SIPA1L2: variants seen among roughly 807,000 people sequenced by gnomAD.
SIPA1L2 encodes signal-induced proliferation-associated 1-like protein 2.
A neutral mutation model predicts 163.9 loss-of-function variants in SIPA1L2; 56 were observed. The ratio of observed to expected loss-of-function variants is 0.34; its 90% CI spans 0.28 to 0.43. The LOEUF (loss-of-function observed/expected upper bound fraction) is 0.43, where lower values mean the gene tolerates loss of function less well. SIPA1L2 is among the 20% of genes least tolerant of loss of function. The probability of loss-of-function intolerance (pLI) is 1.00; values close to 1 mark genes in which losing one functional copy is unlikely to be tolerated. For synonymous variants in SIPA1L2, 877 were observed against 865.7 expected (o/e 1.01, Z -0.23); for missense variants, 1,974 against 2,193.5 (o/e 0.90, Z 2.00).
intron 15 of SIPA1L2, among the ~76,000 whole-genome samples, chr1:232,436,719 C>CT (rs1662585396): frequency 6.6e-6 from 1 of 152,196 alleles, no homozygotes; most frequent in Non-Finnish European, 1.5e-5. Context: ...AGTCACCTGC[C>CT]TTTCACTCAA....
At chr1:232,557,845 T>C (rs112203560) in intron 2 of SIPA1L2, among the ~76,000 whole-genome samples, 12 of 152,346 alleles carry the variant, frequency 7.9e-5, no homozygotes, top group African/African-American at 2.9e-4. Context: ...ATTGCCGGCA[T>C]GTGCTGAGAA....
At position 232,555,015 on chromosome 1, in the gene SIPA1L2, A is replaced by AAT. The variant is rs1194752712; in HGVS notation, c.-270+19158_-270+19159insAT. Among the ~76,000 whole-genome samples, 9 of 152,348 alleles carry AAT rather than the reference A, an allele frequency of 5.9e-5. No homozygotes were observed. The East Asian group carries it at 1.7e-3, about 29-fold the overall frequency. ...CAAATAAACAAGAAATTGAGTTTAC[A>AAT]AACTTATGGACATTAATTATTCAAT... On this transcript the variant is annotated intron_variant, in intron 2 of 22. Transcript: ENST00000674635.
At chr1:232,629,271 G>A (rs1663241170) in intron 1 of SIPA1L2, among the ~76,000 whole-genome samples, 1 of 152,336 alleles carries the variant, frequency 6.6e-6, no homozygotes, top group East Asian at 1.9e-4. Flanking sequence ...TTCCCAGGAC[G>A]TGGGCAAACT....
At chr1:232,585,493 G>A (rs1049083296) in intron 1 of SIPA1L2, among the ~76,000 whole-genome samples, 3 of 152,154 alleles carry the variant, frequency 2.0e-5, no homozygotes, top group African/African-American at 7.2e-5. Context: ...AATGCCTAAT[G>A]GAAACTGATC....
intron 18 of SIPA1L2, among the ~76,000 whole-genome samples, chr1:232,424,958 T>G (rs1445005524): frequency 6.6e-6 from 1 of 152,190 alleles, no homozygotes; most frequent in African/African-American, 2.4e-5. Context: ...TAATGAAGAC[T>G]TGACACTACA....
At chr1:232,490,172 A>G (rs1442913831) in intron 5 of SIPA1L2, among the ~76,000 whole-genome samples, 1 of 151,706 alleles carries the variant, frequency 6.6e-6, no homozygotes, top group East Asian at 1.9e-4. Context: ...TACTTCCCCT[A>G]CCCCACCCCA....
intron 7 of SIPA1L2, among the ~76,000 whole-genome samples, chr1:232,476,005 T>G (rs966628576): frequency 2.0e-5 from 3 of 152,220 alleles, no homozygotes; most frequent in African/African-American, 7.2e-5. Flanking sequence ...AAGCATTTTA[T>G]CCTTCCAAAA....
intron 19 of SIPA1L2, among the ~76,000 whole-genome samples, chr1:232,405,807 A>G (rs1206618522): frequency 6.6e-6 from 1 of 152,170 alleles, no homozygotes; most frequent in Non-Finnish European, 1.5e-5. Context: ...TTCTCAATGT[A>G]TTTGGGTCTG....
intron 2 of SIPA1L2, among the ~76,000 whole-genome samples, chr1:232,533,076 G>A (rs562133510): frequency 6.6e-6 from 1 of 152,254 alleles, no homozygotes; most frequent in Non-Finnish European, 1.5e-5. Flanking sequence ...GCCCGTCTGT[G>A]GACCAGTGCC....
chr1:232,424,280 A>G (rs984945719), intron 18 of SIPA1L2, among the ~76,000 whole-genome samples: 18 of 149,270 alleles, frequency 1.2e-4, no homozygotes, highest in African/African-American at 4.2e-4. Context: ...GTGTGAACCT[A>G]AAACTGCTCT....
intron 19 of SIPA1L2, among the ~76,000 whole-genome samples, chr1:232,410,837 G>A (rs927551283): frequency 3.3e-5 from 5 of 152,052 alleles, no homozygotes; most frequent in Non-Finnish European, 7.3e-5. Flanking sequence ...GTCACCCAGA[G>A]AACATATTAA....
At chr1:232,494,274 A>G (rs941624025) in intron 3 of SIPA1L2, among the ~76,000 whole-genome samples, 3 of 152,242 alleles carry the variant, frequency 2.0e-5, no homozygotes, top group African/African-American at 7.2e-5. Context: ...TTATCCACAA[A>G]TCCTATAACT....
At chr1:232,575,151 A>G (rs1573109270) in intron 1 of SIPA1L2, among the ~76,000 whole-genome samples, 1 of 152,316 alleles carries the variant, frequency 6.6e-6, no homozygotes, top group Middle Eastern at 3.4e-3. Flanking sequence ...TCAAAACGCA[A>G]CAATGTGGAG....
chr1:232,494,636 T>A (rs1466347540), intron 3 of SIPA1L2, among the ~76,000 whole-genome samples: 2 of 152,224 alleles, frequency 1.3e-5, no homozygotes, highest in Admixed American at 1.3e-4. Context: ...AGCCAAAGTA[T>A]CTCATTGCAA....
At chr1:232,464,152 T>C (rs1006824545) in intron 9 of SIPA1L2, among the ~76,000 whole-genome samples, 3 of 152,218 alleles carry the variant, frequency 2.0e-5, no homozygotes, top group Admixed American at 6.5e-5. Context: ...TAGAAGTAGT[T>C]TGATTTATTC....
chr1:232,576,408 T>C (rs897125376), intron 1 of SIPA1L2, among the ~76,000 whole-genome samples: 2 of 152,368 alleles, frequency 1.3e-5, no homozygotes, highest in South Asian at 2.1e-4. Flanking sequence ...TAGGGTGGCA[T>C]GAGCCACATT....
At chr1:232,579,314 T>A (rs966122152) in intron 1 of SIPA1L2, among the ~76,000 whole-genome samples, 2 of 152,220 alleles carry the variant, frequency 1.3e-5, no homozygotes, top group Non-Finnish European at 2.9e-5. Flanking sequence ...TACTTTTTGT[T>A]TTTGTTTGTG....
intron 3 of SIPA1L2, among the ~76,000 whole-genome samples, chr1:232,500,065 C>T (rs985605258): frequency 3.5e-4 from 53 of 152,168 alleles, no homozygotes; most frequent in African/African-American, 1.3e-3. Context: ...GCAAACTCCA[C>T]CTCCCGGGCT....
At chr1:232,625,593 T>A (rs892589805) in intron 1 of SIPA1L2, among the ~76,000 whole-genome samples, 1 of 152,018 alleles carries the variant, frequency 6.6e-6, no homozygotes, top group Non-Finnish European at 1.5e-5. Context: ...TTGGACTACA[T>A]CAGTGCAAGC....
Sources: allele counts gnomAD v4.1 joint callset (sites outside exome capture counted in the v4.1 genomes callset), GRCh38; gene constraint gnomAD v4.1.1; transcripts MANE v1.5; gene names NCBI Gene and HGNC (gene_info 2026-07-23, HGNC 2026-07-21).